Variants in SLC35F1 observed in about 807,000 individuals in gnomAD.
The protein encoded by SLC35F1 is solute carrier family 35 member F1.
A neutral mutation model predicts 48.7 loss-of-function variants in SLC35F1; 14 were observed. The observed-to-expected ratio is 0.29, with a 90% CI of 0.19 to 0.45. The LOEUF is 0.45. Among genes scored for constraint, SLC35F1 ranks in the 20% least tolerant of loss-of-function variants. The probability of loss-of-function intolerance (pLI) is 1.00; values close to 1 mark genes in which losing one functional copy is unlikely to be tolerated. For synonymous variants in SLC35F1, 190 were observed against 202.2 expected (o/e 0.94, Z 0.51); for missense variants, 404 against 500.0 (o/e 0.81, Z 1.83).
At chr6:118,000,341 A>G (rs1582610522) in intron 1 of SLC35F1, among the ~76,000 whole-genome samples, 2 of 1,734 alleles carry the variant, frequency 1.2e-3, no homozygotes. Context: ...AGAACCAAAG[A>G]CAAAACCACA....
chr6:118,215,049 G>C (rs1444879214), intron 2 of SLC35F1, among the ~76,000 whole-genome samples: 1 of 152,014 alleles, frequency 6.6e-6, no homozygotes, highest in Non-Finnish European at 1.5e-5. Flanking sequence ...TCTTCTCCCT[G>C]GTATCAGGAG....
intron 2 of SLC35F1, among the ~76,000 whole-genome samples, chr6:118,156,291 A>G (rs1382112647): frequency 2.0e-5 from 3 of 152,174 alleles, no homozygotes; most frequent in African/African-American, 7.2e-5. Flanking sequence ...TGAGCCAAAT[A>G]TGAGTGACCG....
chr6:118,025,074 T>C (rs1456401835), intron 1 of SLC35F1, among the ~76,000 whole-genome samples: 1 of 152,242 alleles, frequency 6.6e-6, no homozygotes, highest in Non-Finnish European at 1.5e-5. Flanking sequence ...CCAATAATGA[T>C]ACACTATTAT....
At chr6:118,284,066 G>A (rs976587578) in intron 6 of SLC35F1, among the ~76,000 whole-genome samples, 2 of 152,026 alleles carry the variant, frequency 1.3e-5, no homozygotes, top group African/African-American at 4.8e-5. Flanking sequence ...ATGGAACGAT[G>A]ATTTGTGCCC....
At chr6:117,933,673 C>A (rs552400697) in intron 1 of SLC35F1, among the ~76,000 whole-genome samples, 4 of 152,334 alleles carry the variant, frequency 2.6e-5, no homozygotes, top group Admixed American at 2.6e-4. Flanking sequence ...TTGCCCAGCT[C>A]TCTCTCTTCC....
chr6:118,191,032 C>T (rs1324576338), intron 2 of SLC35F1, among the ~76,000 whole-genome samples: 2 of 152,142 alleles, frequency 1.3e-5, no homozygotes, highest in Non-Finnish European at 2.9e-5. Flanking sequence ...ATGAGGAATA[C>T]ACTTCTAGTC....
At chr6:117,934,137 G>T (rs573590760) in intron 1 of SLC35F1, among the ~76,000 whole-genome samples, 1 of 152,180 alleles carries the variant, frequency 6.6e-6, no homozygotes, top group African/African-American at 2.4e-5. Context: ...AGCAGTTGCT[G>T]TTGGGCATCT....
intron 3 of SLC35F1, among the ~76,000 whole-genome samples, chr6:118,238,559 G>A (rs1219429146): frequency 2.6e-5 from 4 of 151,914 alleles, no homozygotes; most frequent in Admixed American, 2.0e-4. Flanking sequence ...ACTCATTTTT[G>A]TTTTTCGTTT....
intron 2 of SLC35F1, among the ~76,000 whole-genome samples, chr6:118,158,282 T>G (rs529802226): frequency 6.6e-6 from 1 of 152,222 alleles, no homozygotes; most frequent in Non-Finnish European, 1.5e-5. Context: ...ATTACATTAA[T>G]TTTCTATAGG....
intron 3 of SLC35F1, among the ~76,000 whole-genome samples, chr6:118,258,836 G>T (rs1775677749): frequency 6.6e-6 from 1 of 151,790 alleles, no homozygotes; most frequent in South Asian, 2.1e-4. Flanking sequence ...ATAAGAAACT[G>T]AATTAGCTAT....
chr6:117,969,489 C>G (rs1296725086), intron 1 of SLC35F1, among the ~76,000 whole-genome samples: 1 of 152,122 alleles, frequency 6.6e-6, no homozygotes, highest in Non-Finnish European at 1.5e-5. Flanking sequence ...TAAACCCAGG[C>G]CAAGGAGGTA....
chr6:117,994,262 T>C (rs1776957331), intron 1 of SLC35F1, among the ~76,000 whole-genome samples: 1 of 152,142 alleles, frequency 6.6e-6, no homozygotes, highest in Admixed American at 6.5e-5. Context: ...TAAATCTCTT[T>C]AACTTTCCTT....
intron 1 of SLC35F1, among the ~76,000 whole-genome samples, chr6:118,073,041 T>G (rs962918872): frequency 2.0e-5 from 3 of 152,194 alleles, no homozygotes; most frequent in African/African-American, 7.2e-5. Flanking sequence ...TTGTTCACAT[T>G]CCTTGTCCTC....
At chr6:118,193,776 G>A (rs573314119) in intron 2 of SLC35F1, among the ~76,000 whole-genome samples, 1 of 152,218 alleles carries the variant, frequency 6.6e-6, no homozygotes, top group South Asian at 2.1e-4. Flanking sequence ...TAGGGGTGTG[G>A]CTAACTCCAC....
chr6:117,977,703 C>T (rs949006324), intron 1 of SLC35F1, among the ~76,000 whole-genome samples: 2 of 151,956 alleles, frequency 1.3e-5, no homozygotes, highest in Non-Finnish European at 2.9e-5. Context: ...TTGCCATTTA[C>T]TTGTCTATGG....
In SLC35F1 at chr6:117,923,750, C is replaced by CATATGTACATATATGT. The variant is rs1582564872; in HGVS notation, c.173+15855_173+15856insGTACATATATGTATAT. 1.4e-4 allele frequency among the ~76,000 whole-genome samples: 9 copies of CATATGTACATATATGT among 62,496 alleles called. 1 individual carries two copies. The highest frequency in any genetic ancestry group is 1.9e-3 in the South Asian group (2 of 1,064). 41.0% of individuals were successfully genotyped at this position (62,496 alleles called of 152,430 possible). ...ACATATGTATATATACATATATGTACATATATACATATGCACATACATATG... is the reference window on the plus strand; with the variant it reads ...ACATATGTATATATACATATATGTACATATGTACATATATGTATATATACATATGCACATACATATG... On this transcript the variant is annotated intron_variant, in intron 1 of 7. Transcript: ENST00000360388.
chr6:118,041,091 CT>C (rs1772213433), intron 1 of SLC35F1, among the ~76,000 whole-genome samples: 1 of 151,960 alleles, frequency 6.6e-6, no homozygotes, highest in Non-Finnish European at 1.5e-5. Flanking sequence ...ACAAAACTGA[CT>C]TTAAAAAATA....
chr6:118,142,847 G>T (rs567223854), intron 1 of SLC35F1, among the ~76,000 whole-genome samples: 1 of 152,242 alleles, frequency 6.6e-6, no homozygotes, highest in South Asian at 2.1e-4. Context: ...TGCAAAGAAT[G>T]ATGAAGAAAA....
At chr6:117,912,641 T>C (rs1775777162) in intron 1 of SLC35F1, among the ~76,000 whole-genome samples, 1 of 138,862 alleles carries the variant, frequency 7.2e-6, no homozygotes, top group Admixed American at 7.5e-5. Context: ...CAAGTGGAAC[T>C]GGGTGGTGTG....
Sources: allele counts gnomAD v4.1 joint callset (sites outside exome capture counted in the v4.1 genomes callset), GRCh38; gene constraint gnomAD v4.1.1; transcripts MANE v1.5; gene names NCBI Gene and HGNC (gene_info 2026-07-23, HGNC 2026-07-21).